The following FOXP1 variants were observed in gnomAD, a reference collection of about 807,000 sequenced individuals.
The protein encoded by FOXP1 is forkhead box P1, also known as forkhead box protein P1.
In FOXP1, 15 loss-of-function variants were observed where a neutral mutation model predicts 98.2. The observed-to-expected ratio is 0.15, with a 90% CI of 0.10 to 0.24. The LOEUF is 0.24. FOXP1 is among the 10% of genes least tolerant of loss of function. The pLI is 1.00. For synonymous variants in FOXP1, 371 were observed against 314.5 expected (o/e 1.18, Z -1.90); for missense variants, 633 against 848.5 (o/e 0.75, Z 3.15).
chr3:71,493,910 C>T (rs550843633), intron 2 of FOXP1, among the ~76,000 whole-genome samples: 5 of 151,762 alleles, frequency 3.3e-5, no homozygotes, highest in African/African-American at 1.2e-4. Flanking sequence ...ATGTACCATT[C>T]CCTATTAAGT....
At chr3:71,390,073 G>C (rs1003116246) in intron 3 of FOXP1, among the ~76,000 whole-genome samples, 1 of 152,144 alleles carries the variant, frequency 6.6e-6, no homozygotes, top group Non-Finnish European at 1.5e-5. Context: ...CGAAGGCATC[G>C]AAGGGCTCGG....
At chr3:71,575,138 G>A (rs1432813053) in intron 2 of FOXP1, among the ~76,000 whole-genome samples, 1 of 152,062 alleles carries the variant, frequency 6.6e-6, no homozygotes, top group African/African-American at 2.4e-5. Flanking sequence ...TGTCTGTGTT[G>A]GGAACAACAG....
chr3:70,990,219 C>T (rs909135915), intron 13 of FOXP1, among the ~76,000 whole-genome samples: 1 of 152,182 alleles, frequency 6.6e-6, no homozygotes, highest in African/African-American at 2.4e-5. Context: ...TGTGTAGTAT[C>T]ATACTCTTGA....
At chr3:71,226,361 G>A (rs1297004779) in intron 5 of FOXP1, among the ~76,000 whole-genome samples, 2 of 152,142 alleles carry the variant, frequency 1.3e-5, no homozygotes, top group South Asian at 4.2e-4. Flanking sequence ...GATGGATGAG[G>A]CTGACATCAG....
chr3:71,247,601 TCCAAGTCA>T (rs2067855473), intron 5 of FOXP1, among the ~76,000 whole-genome samples: 1 of 152,220 alleles, frequency 6.6e-6, no homozygotes. Flanking sequence ...GGAGATTTTC[TCCAAGTCA>T]CTAGCACAAT....
Position 71,039,617 on chromosome 3 carries a change from T to G in FOXP1, c.869+1711A>C, listed in dbSNP as rs371803079. Among the ~76,000 whole-genome samples the G allele has an allele frequency of 1.1e-4, 17 of 152,292 alleles. 1 individual carries two copies. The highest frequency in any genetic ancestry group is 4.1e-4 in the African/African-American group (17 of 41,570). On this transcript the variant is annotated intron_variant, in intron 11 of 20. Transcript: ENST00000649528. ...CGGCGTTTTTCAGTGTATGGCCTCC[T>G]GCTCTGCCTATGGATAAAGATGTAA... is the stretch of plus-strand genomic sequence containing the variant.
At chr3:71,034,212 A>G (rs1446445340) in intron 11 of FOXP1, among the ~76,000 whole-genome samples, 3 of 152,162 alleles carry the variant, frequency 2.0e-5, no homozygotes, top group Admixed American at 6.5e-5. Flanking sequence ...TGCTGAAAAG[A>G]TAGGTCTGGC....
rs374315868 is a variant in FOXP1 at position 70,979,117 on chromosome 3, TACAC to T, written c.1147-1092_1147-1089del. On this transcript the variant is annotated intron_variant, in intron 14 of 20. Transcript: ENST00000649528. Reference sequence around the variant, plus strand: ...CTCTGTCTCCATTAACGCACACACATACACACACACACAAATTAGCCATGTGTGG... The same window carrying T: ...CTCTGTCTCCATTAACGCACACACATACACACACAAATTAGCCATGTGTGG... Among the ~76,000 whole-genome samples the T allele has an allele frequency of 8.4e-3, 1,254 of 149,818 alleles. 20 individuals carry two copies. Among genetic ancestry groups the T allele is most frequent in the Admixed American group, 0.043 (647 of 15,060 alleles).
intron 3 of FOXP1, among the ~76,000 whole-genome samples, chr3:71,415,170 T>C (rs1344595921): frequency 2.0e-5 from 3 of 152,172 alleles, no homozygotes; most frequent in Admixed American, 6.5e-5. Context: ...ACCCCAACTC[T>C]AGGAAATTCA....
intron 5 of FOXP1, among the ~76,000 whole-genome samples, chr3:71,253,010 A>G (rs762052459): frequency 3.5e-4 from 54 of 152,230 alleles, no homozygotes; most frequent in Non-Finnish European, 8.8e-5. Flanking sequence ...TCCACAATGC[A>G]GCTGACACCA....
At chr3:71,565,162 C>G (rs535699103) in intron 2 of FOXP1, among the ~76,000 whole-genome samples, 5 of 151,990 alleles carry the variant, frequency 3.3e-5, no homozygotes, top group Non-Finnish European at 5.9e-5. Context: ...TATACAGATA[C>G]CAATGTCTTC....
intron 4 of FOXP1, among the ~76,000 whole-genome samples, chr3:71,325,134 C>A (rs1457913700): frequency 6.7e-6 from 1 of 149,660 alleles, no homozygotes; most frequent in African/African-American, 2.4e-5. Flanking sequence ...CTCACTGCAA[C>A]CTCCACCTCC....
At chr3:71,460,400 C>T (rs965939661) in intron 3 of FOXP1, among the ~76,000 whole-genome samples, 1 of 151,630 alleles carries the variant, frequency 6.6e-6, no homozygotes, top group African/African-American at 2.4e-5. Flanking sequence ...CCACCATGCC[C>T]CGCTAATTTT....
At chr3:71,469,817 G>A (rs1363389002) in intron 3 of FOXP1, among the ~76,000 whole-genome samples, 4 of 152,144 alleles carry the variant, frequency 2.6e-5, no homozygotes, top group East Asian at 1.9e-4. Flanking sequence ...TTCCCCCCCA[G>A]TGAATTTTGC....
intron 2 of FOXP1, among the ~76,000 whole-genome samples, chr3:71,524,120 T>C (rs938870794): frequency 2.0e-5 from 3 of 152,200 alleles, no homozygotes; most frequent in Non-Finnish European, 4.4e-5. Flanking sequence ...CAAACACATT[T>C]GTTTCTTGCT....
At chr3:71,419,689 C>G (rs2083480479) in intron 3 of FOXP1, among the ~76,000 whole-genome samples, 1 of 152,144 alleles carries the variant, frequency 6.6e-6, no homozygotes. Flanking sequence ...CCAAAGTGTG[C>G]TGCAAGTACC....
chr3:71,306,651 A>C (rs888081801), intron 4 of FOXP1, among the ~76,000 whole-genome samples: 1 of 150,556 alleles, frequency 6.6e-6, no homozygotes, highest in Admixed American at 6.6e-5. Flanking sequence ...AAAAAAAAAA[A>C]AAAAACGCTA....
At chr3:71,011,287 CTGGAGGCAGCA>C (rs2043574344) in intron 12 of FOXP1, among the ~76,000 whole-genome samples, 1 of 152,130 alleles carries the variant, frequency 6.6e-6, no homozygotes, top group East Asian at 1.9e-4. Context: ...TCCCTCTGTT[CTGGAGGCAGCA>C]TGTAATGCAA....
chr3:71,042,997 T>G (rs1282824192), intron 10 of FOXP1, among the ~76,000 whole-genome samples: 2 of 152,204 alleles, frequency 1.3e-5, no homozygotes, highest in African/African-American at 2.4e-5. Flanking sequence ...AGGATTTTTT[T>G]ATATTCACCG....
Sources: gnomAD v4.1 joint callset for allele counts (sites outside exome capture counted in the v4.1 genomes callset) on GRCh38, gnomAD v4.1.1 for gene constraint, MANE v1.5 for transcripts, NCBI Gene and HGNC (gene_info 2026-07-23, HGNC 2026-07-21) for gene names.